Variants in CD226 observed in about 807,000 individuals in gnomAD.
CD226 encodes the protein CD226 molecule, also known as CD226 antigen.
CD226 carries 24 observed loss-of-function variants against 34.9 expected under a neutral mutation model. That is an observed-to-expected ratio of 0.69 (90% CI 0.50 to 0.97). CD226 has a LOEUF of 0.97. CD226 is among the 50% of genes least tolerant of loss of function. The pLI is 0.00. For missense variants in CD226, 397 were observed against 412.7 expected, an observed-to-expected ratio of 0.96 and a Z score of 0.33; for synonymous variants, 148 against 147.4, an observed-to-expected ratio of 1.00 and a Z score of -0.03.
intron 2 of CD226, among the ~76,000 whole-genome samples, chr18:69,943,588 G>A (rs1315711885): frequency 2.6e-5 from 4 of 152,206 alleles, no homozygotes; most frequent in African/African-American, 9.7e-5. Context: ...CTGGAGAGGG[G>A]TAGCATTGAT....
At chr18:69,895,630 AAAAC>A (rs1270193427) in intron 3 of CD226, 67 bp downstream of exon 3, 1 of 1,129,466 alleles carries the variant, frequency 8.9e-7, no homozygotes, top group East Asian at 2.4e-5. Context: ...ACCATAAATA[AAAAC>A]AGAGACCAGC....
At chr18:69,867,492 T>C (rs368525817) in intron 4 of CD226, 81 bp from the exon 5 acceptor site, 1 of 895,850 alleles carries the variant, frequency 1.1e-6, no homozygotes, top group East Asian at 2.4e-5. Context: ...TACCTCACTG[T>C]ACCCCTAGCC....
chr18:69,939,442 C>T (rs2055696409), intron 2 of CD226, among the ~76,000 whole-genome samples: 1 of 152,198 alleles, frequency 6.6e-6, no homozygotes, highest in Admixed American at 6.5e-5. Flanking sequence ...TGATAATTCA[C>T]TCATTTTAGT....
At chr18:69,919,643 C>A (rs1413241298) in intron 2 of CD226, among the ~76,000 whole-genome samples, 2 of 152,110 alleles carry the variant, frequency 1.3e-5, no homozygotes, top group Admixed American at 6.5e-5. Flanking sequence ...TGGCACCAGG[C>A]AAAGCACATT....
chr18:69,906,546 GA>G (rs1320988785), intron 2 of CD226, among the ~76,000 whole-genome samples: 4 of 152,190 alleles, frequency 2.6e-5, no homozygotes, highest in African/African-American at 4.8e-5. Flanking sequence ...AGGACTCAAA[GA>G]AAAGCAAACT....
At chr18:69,868,463 T>C (rs578161716) in intron 4 of CD226, among the ~76,000 whole-genome samples, 9 of 152,350 alleles carry the variant, frequency 5.9e-5, no homozygotes, top group Non-Finnish European at 1.0e-4. Flanking sequence ...AATCCTCCTA[T>C]CATGTCAATA....
At chr18:69,875,698 A>G (rs1983822958) in intron 3 of CD226, among the ~76,000 whole-genome samples, 1 of 152,206 alleles carries the variant, frequency 6.6e-6, no homozygotes, top group African/African-American at 2.4e-5. Flanking sequence ...CTTTGGAAAG[A>G]TGTCTGTTTT....
At chr18:69,954,774 G>T (rs779644326) in intron 1 of CD226, among the ~76,000 whole-genome samples, 5 of 152,068 alleles carry the variant, frequency 3.3e-5, no homozygotes, top group African/African-American at 7.2e-5. Context: ...TCACAGATTC[G>T]AATGAAAGGG....
At chr18:69,958,808 C>T (rs1178388458), upstream of CD226, among the ~76,000 whole-genome samples, 2 of 151,764 alleles carry the variant, frequency 1.3e-5, no homozygotes, top group East Asian at 3.9e-4. Flanking sequence ...CACACACACA[C>T]ACACACACAC....
At chr18:69,902,695 G>A (rs1024912961) in intron 2 of CD226, among the ~76,000 whole-genome samples, 3 of 151,690 alleles carry the variant, frequency 2.0e-5, no homozygotes, top group African/African-American at 7.3e-5. Flanking sequence ...AATCAATAGC[G>A]CCTGCTCAGT....
intron 2 of CD226, among the ~76,000 whole-genome samples, chr18:69,925,840 A>G (rs1599014925): frequency 6.6e-6 from 1 of 152,328 alleles, no homozygotes; most frequent in South Asian, 2.1e-4. Flanking sequence ...TTCTCACCAC[A>G]GCACATAGAA....
intron 3 of CD226, among the ~76,000 whole-genome samples, chr18:69,878,810 C>T (rs1043048196): frequency 2.0e-5 from 3 of 152,294 alleles, no homozygotes; most frequent in African/African-American, 7.2e-5. Context: ...CAGGGTCAAG[C>T]AATTCCTGGT....
chr18:69,944,881 T>C (rs2055770415), intron 2 of CD226, among the ~76,000 whole-genome samples: 1 of 152,242 alleles, frequency 6.6e-6, no homozygotes, highest in Non-Finnish European at 1.5e-5. Context: ...ATTGACACTC[T>C]ATAAGCCTCA....
At chr18:69,873,109 G>T in intron 4 of CD226, 35 bp downstream of exon 4, 2 of 1,115,154 alleles carry the variant, frequency 1.8e-6, no homozygotes, top group South Asian at 2.5e-5. Context: ...CCTCTAACAT[G>T]GTGAATAAGA....
chr18:69,942,474 A>T (rs1181490193), intron 2 of CD226, among the ~76,000 whole-genome samples: 1 of 152,214 alleles, frequency 6.6e-6, no homozygotes, highest in Non-Finnish European at 1.5e-5. Flanking sequence ...CTAGTCAGAG[A>T]TGTCCCCTGG....
chr18:69,926,216 C>A (rs543466788), intron 2 of CD226, among the ~76,000 whole-genome samples: 3 of 152,050 alleles, frequency 2.0e-5, no homozygotes, highest in Non-Finnish European at 4.4e-5. Flanking sequence ...CTATCCCATT[C>A]CCACCTCATA....
chr18:69,866,700 C>T (rs1983167417), intron 5 of CD226, among the ~76,000 whole-genome samples: 1 of 152,166 alleles, frequency 6.6e-6, no homozygotes, highest in African/African-American at 2.4e-5. Flanking sequence ...ATGTCCTCCT[C>T]AGAACCTCAT....
At chr18:69,922,308 G>C (rs2055461789) in intron 2 of CD226, among the ~76,000 whole-genome samples, 2 of 152,204 alleles carry the variant, frequency 1.3e-5, no homozygotes, top group South Asian at 4.1e-4. Flanking sequence ...TTGAGATAGG[G>C]TCTCACTCTG....
At chr18:69,950,432 G>C (rs2055842493), upstream of CD226, among the ~76,000 whole-genome samples, 1 of 152,222 alleles carries the variant, frequency 6.6e-6, no homozygotes, top group African/African-American at 2.4e-5. Context: ...GTTATGAAGT[G>C]CATGTCACGT....
Sources: allele counts gnomAD v4.1 joint callset (sites outside exome capture counted in the v4.1 genomes callset), GRCh38; gene constraint gnomAD v4.1.1; transcripts MANE v1.5; gene names NCBI Gene and HGNC (gene_info 2026-07-23, HGNC 2026-07-21).